The following TOMM20L variants were observed in gnomAD, a reference collection of about 807,000 sequenced individuals.
TOMM20L encodes the protein translocase of outer mitochondrial membrane 20 like, also known as TOMM20-like protein 1.
Under a neutral mutation model 20.4 loss-of-function variants are expected in TOMM20L, and 19 were observed. The observed-to-expected ratio is 0.93, with a 90% CI of 0.65 to 1.36. The LOEUF is 1.36. TOMM20L is among the 40% of genes most tolerant of loss of function. The pLI is 0.00. For missense variants in TOMM20L, 218 were observed against 203.7 expected (o/e 1.07, Z -0.43); for synonymous variants, 75 against 79.6 (o/e 0.94, Z 0.30).
chr14:58,413,911 G>A, the TOMM20L span, among the ~76,000 whole-genome samples: 13 of 143,092 alleles, frequency 9.1e-5, no homozygotes, highest in African/African-American at 3.4e-4. Context: ...GGAGGCTGAG[G>A]CAGAAGAATG....
chr14:58,396,124 G>C (rs2035912984), intron 1 of TOMM20L, 31 bp downstream of exon 1: 2 of 1,287,504 alleles, frequency 1.6e-6, no homozygotes, highest in Non-Finnish European at 2.0e-6. Context: ...GGCGCGGCCG[G>C]GCCGGGCAGC....
the TOMM20L span, among the ~76,000 whole-genome samples, chr14:58,414,008 GAAA>G: frequency 8.3e-5 from 2 of 24,172 alleles, no homozygotes; most frequent in South Asian, 4.1e-3. Flanking sequence ...TTCCGTCTCA[GAAA>G]AAAAAAAAAA....
At chr14:58,415,885 G>A in the TOMM20L span, among the ~76,000 whole-genome samples, 1 of 152,032 alleles carries the variant, frequency 6.6e-6, no homozygotes, top group Non-Finnish European at 1.5e-5. Context: ...TAAACCCGAT[G>A]AAACCTACAT....
intron 4 of TOMM20L, among the ~76,000 whole-genome samples, chr14:58,408,320 A>G (rs4901856): frequency 1 from 151,509 of 151,966 alleles, 75,529 homozygotes; most frequent in Middle Eastern, 1. Context: ...GGGAGGCTGA[A>G]GCAGCAGAAT....
intron 2 of TOMM20L, chr14:58,398,517 AT>A (rs2035953513): frequency 6.6e-6 from 1 of 152,208 alleles, no homozygotes; most frequent in African/African-American, 2.4e-5. Context: ...TGGATAACTA[AT>A]GATGGTGACT....
intron 2 of TOMM20L, among the ~76,000 whole-genome samples, chr14:58,399,415 G>A (rs2035963503): frequency 6.6e-6 from 1 of 152,030 alleles, no homozygotes; most frequent in Non-Finnish European, 1.5e-5. Context: ...TCAGACTTTA[G>A]GATCCATAAG....
At position 58,396,054 on chromosome 14, in the gene TOMM20L, C is replaced by T; in HGVS notation, c.97C>T (p.Arg33Trp). The T allele has an allele frequency of 7.0e-7, 1 of 1,418,804 alleles. No individual in the cohort carries two copies. 87.9% of individuals were successfully genotyped at this position (1,418,804 alleles called of 1,614,324 possible). The change falls in exon 1 of 5, where the codon CGG becomes TGG. Residue 33 changes from arginine (R) to tryptophan (W), a missense_variant. Arg to Trp is a moderately radical substitution (Grantham distance 101). Transcript: ENST00000360945. ...CTATTGTATTTACCTCAACCGGAAG[C>T]GGCGCGGGGACCCCGCGTTCAAGCG... ...LGYCIYLNRK[R>W]RGDPAFKRRL... is the part of the protein sequence containing the mutation.
At chr14:58,400,430 A>G (rs1326939089) in intron 2 of TOMM20L, among the ~76,000 whole-genome samples, 1 of 150,716 alleles carries the variant, frequency 6.6e-6, no homozygotes, top group Non-Finnish European at 1.5e-5. Context: ...TCCAAAAAAA[A>G]AAAAAGAAAA....
Position 58,407,448 on chromosome 14 carries a change from A to G in TOMM20L, c.385A>G (p.Lys129Glu). 2 of 1,612,310 alleles carry G rather than the reference A, an allele frequency of 1.2e-6. No individual in the cohort carries two copies. Among genetic ancestry groups the G allele is most frequent in the Non-Finnish European group, 1.7e-6 (2 of 1,179,570 alleles). The change falls in exon 4 of 5, where the codon AAA (lysine) becomes GAA (glutamate). Residue 129 changes from lysine (K) to glutamate (E), a missense_variant. Transcript: ENST00000360945. ...CAAGGTATTTGAGATGCTGTTGCACAAAATTCCCCTTATTTGCCAGGTGAG... is the reference window on the plus strand; with the variant it reads ...CAAGGTATTTGAGATGCTGTTGCACGAAATTCCCCTTATTTGCCAGGTGAG... ...PPKVFEMLLH[K>E]IPLICQQFEA...
downstream of TOMM20L, among the ~76,000 whole-genome samples, chr14:58,410,552 C>G (rs1303271083): frequency 6.6e-6 from 1 of 152,182 alleles, no homozygotes; most frequent in Admixed American, 6.5e-5. Context: ...CTAGGTAGGC[C>G]ATCTTGGCTG....
chr14:58,404,105 A>G (rs796512849), intron 3 of TOMM20L, among the ~76,000 whole-genome samples: 289 of 13,958 alleles, frequency 0.021, 52 homozygotes, highest in South Asian at 0.17. Context: ...ATATGTATAT[A>G]TATATATATA....
chr14:58,406,728 G>T (rs1405378571), intron 3 of TOMM20L, among the ~76,000 whole-genome samples: 1 of 152,126 alleles, frequency 6.6e-6, no homozygotes, highest in Non-Finnish European at 1.5e-5. Context: ...GAAATCCTAT[G>T]ATTAATTTTC....
chr14:58,413,118 T>G (rs2036275776), downstream of TOMM20L, among the ~76,000 whole-genome samples: 1 of 152,190 alleles, frequency 6.6e-6, no homozygotes, highest in Non-Finnish European at 1.5e-5. Context: ...TTTACGTTCC[T>G]TTTCTGGTAG....
downstream of TOMM20L, among the ~76,000 whole-genome samples, chr14:58,413,557 A>G (rs2036289161): frequency 6.6e-6 from 1 of 152,216 alleles, no homozygotes; most frequent in African/African-American, 2.4e-5. Context: ...AGGGAAGACA[A>G]GTAAATAAAA....
chr14:58,404,784 T>G (rs528211868), intron 3 of TOMM20L, among the ~76,000 whole-genome samples: 1 of 152,280 alleles, frequency 6.6e-6, no homozygotes, highest in South Asian at 2.1e-4. Context: ...TGCTAAATAT[T>G]AACGATTTTT....
downstream of TOMM20L, chr14:58,408,994 T>C (rs371179525): frequency 6.3e-6 from 10 of 1,591,532 alleles, no homozygotes; most frequent in South Asian, 4.6e-5. Flanking sequence ...AAAGCAGCTG[T>C]TGGCAATCTT....
At chr14:58,402,445 C>T (rs1419648342) in intron 2 of TOMM20L, among the ~76,000 whole-genome samples, 2 of 152,036 alleles carry the variant, frequency 1.3e-5, no homozygotes, top group South Asian at 2.1e-4. Context: ...TGCACCACCA[C>T]ACCTGGCTAA....
intron 4 of TOMM20L, 112 bp from the exon 5 acceptor site, chr14:58,408,417 C>CAAA (rs372466195): frequency 4.6e-4 from 330 of 721,284 alleles, no homozygotes; most frequent in East Asian, 5.4e-4. Flanking sequence ...AACTCCGTCT[C>CAAA]AAAAAAAAAA....
Position 58,408,666 on chromosome 14 carries a change from A to T in TOMM20L, c.*84A>T. 1 of 1,367,870 alleles carries T rather than the reference A, an allele frequency of 7.3e-7. No homozygotes were observed. The highest frequency in any genetic ancestry group is 1.0e-6 in the Non-Finnish European group (1 of 998,348). The allele number at this position is 1,367,870 out of a possible 1,614,324, so 84.7% of individuals were successfully genotyped here. A position where few individuals can be genotyped will look rare whatever the true frequency, so the allele number is the denominator to read the frequency against. On this transcript the variant is annotated 3_prime_UTR_variant, in exon 5 of 5. Transcript: ENST00000360945. ...CAACTGCTCAGTGATATTTCCATTT[A>T]TTTTACTTTGAGTAATAAAAATTTT...
Sources: gnomAD v4.1 joint callset for allele counts (sites outside exome capture counted in the v4.1 genomes callset) on GRCh38, gnomAD v4.1.1 for gene constraint, MANE v1.5 for transcripts, NCBI Gene and HGNC (gene_info 2026-07-23, HGNC 2026-07-21) for gene names.